The following EYA2 variants were observed in gnomAD, a reference collection of about 807,000 sequenced individuals.
The protein encoded by EYA2 is protein phosphatase EYA2.
EYA2 carries 31 observed loss-of-function variants against 69.2 expected under a neutral mutation model. The observed-to-expected ratio is 0.45, with a 90% CI of 0.34 to 0.60. The LOEUF (loss-of-function observed/expected upper bound fraction) is 0.60, where lower values mean the gene tolerates loss of function less well. EYA2 is among the 20% of genes least tolerant of loss of function. EYA2 has a pLI of 0.02. For missense variants in EYA2, 622 were observed against 701.2 expected, an observed-to-expected ratio of 0.89 and a Z score of 1.28; for synonymous variants, 257 against 279.4, an observed-to-expected ratio of 0.92 and a Z score of 0.80.
At chr20:47,024,760 C>G (rs769045028) in intron 5 of EYA2, among the ~76,000 whole-genome samples, 7 of 152,246 alleles carry the variant, frequency 4.6e-5, no homozygotes, top group Non-Finnish European at 7.3e-5. Context: ...GGATCACTGT[C>G]CATGCCTAAG....
chr20:46,987,995 TATGG>T (rs1262549527), intron 1 of EYA2, among the ~76,000 whole-genome samples: 872 of 77,524 alleles, frequency 0.011, 45 homozygotes, highest in South Asian at 0.015. Flanking sequence ...TATATATATA[TATGG>T]GGCAAAAAAA....
At chr20:47,052,051 T>C (rs1237124760) in intron 5 of EYA2, among the ~76,000 whole-genome samples, 1 of 152,112 alleles carries the variant, frequency 6.6e-6, no homozygotes, top group Non-Finnish European at 1.5e-5. Context: ...CAGATACTCC[T>C]TTTTTTCCCC....
chr20:47,138,677 C>T (rs1310397375), intron 9 of EYA2, among the ~76,000 whole-genome samples: 1 of 151,874 alleles, frequency 6.6e-6, no homozygotes, highest in East Asian at 1.9e-4. Flanking sequence ...ATCACTTGAA[C>T]CTGGGAGGTC....
At chr20:47,135,126 C>CAAAAAAAAAAAAAAAAAAAA (rs11484435) in intron 9 of EYA2, among the ~76,000 whole-genome samples, 1 of 58,500 alleles carries the variant, frequency 1.7e-5, no homozygotes, top group African/African-American at 6.6e-5. Context: ...GACTCCATAT[C>CAAAAAAAAAAAAAAAAAAAA]AAAAAAAAAA....
In EYA2 at chr20:46,907,692, A is replaced by G. The variant is rs117857501; in HGVS notation, c.-11+12705A>G. Among the ~76,000 whole-genome samples the G allele has an allele frequency of 2.2e-4, 33 of 152,310 alleles. No homozygotes were observed. The East Asian group carries it at 6.4e-3, about 29-fold the overall frequency. On this transcript the variant is annotated intron_variant, in intron 1 of 15. Transcript: ENST00000327619. ...CATGTCTACTAAAAATAAAACAATT[A>G]GCCAGGTATGGTGGCCCGCATCTGT...
At chr20:47,126,797 CT>C (rs1331637370) in intron 9 of EYA2, among the ~76,000 whole-genome samples, 2 of 152,130 alleles carry the variant, frequency 1.3e-5, no homozygotes, top group East Asian at 3.8e-4. Context: ...ACATTTTTGA[CT>C]GTCACAACTG....
intron 10 of EYA2, chr20:47,160,789 CT>C (rs1161912645): frequency 1.5e-3 from 236 of 157,526 alleles, no homozygotes; most frequent in East Asian, 2.6e-3. Context: ...CCTCCCCTCT[CT>C]TTTTTTTTTT....
intron 5 of EYA2, among the ~76,000 whole-genome samples, chr20:47,041,211 A>G (rs564341380): frequency 6.6e-6 from 1 of 152,324 alleles, no homozygotes; most frequent in Non-Finnish European, 1.5e-5. Flanking sequence ...CTCTGATCCT[A>G]AGGAAATCTA....
intron 1 of EYA2, among the ~76,000 whole-genome samples, chr20:46,905,667 G>A (rs1314273416): frequency 6.6e-6 from 1 of 152,214 alleles, no homozygotes; most frequent in Non-Finnish European, 1.5e-5. Flanking sequence ...ATGAGACAGA[G>A]TTGTCTGAGG....
chr20:47,153,497 A>C (rs1390725501), intron 10 of EYA2, among the ~76,000 whole-genome samples: 1 of 151,708 alleles, frequency 6.6e-6, no homozygotes, highest in African/African-American at 2.4e-5. Flanking sequence ...AAAAAAAAAC[A>C]AAACAAAATT....
intron 5 of EYA2, among the ~76,000 whole-genome samples, chr20:47,030,987 G>A (rs1984377867): frequency 7.2e-6 from 1 of 139,324 alleles, no homozygotes; most frequent in South Asian, 2.6e-4. Context: ...TACTACTCTG[G>A]AGGCCCTGTT....
intron 9 of EYA2, among the ~76,000 whole-genome samples, chr20:47,097,852 A>G (rs2032297412): frequency 6.6e-6 from 1 of 152,206 alleles, no homozygotes; most frequent in African/African-American, 2.4e-5. Context: ...GACATCTGTC[A>G]TCTCTTCAGG....
At chr20:47,083,722 T>C (rs1359838194) in intron 7 of EYA2, among the ~76,000 whole-genome samples, 2 of 152,222 alleles carry the variant, frequency 1.3e-5, no homozygotes, top group African/African-American at 4.8e-5. Flanking sequence ...GTTTTGTGAC[T>C]TTGATTTAGG....
intron 8 of EYA2, among the ~76,000 whole-genome samples, chr20:47,093,561 C>A (rs772135422): frequency 6.3e-4 from 96 of 152,230 alleles, no homozygotes; most frequent in Admixed American, 2.0e-3. Context: ...CTTAACTCTT[C>A]CCCTCTCTGG....
intron 4 of EYA2, among the ~76,000 whole-genome samples, chr20:47,010,336 G>A (rs888710661): frequency 7.2e-6 from 1 of 138,870 alleles, no homozygotes; most frequent in Non-Finnish European, 1.5e-5. Context: ...TGTGCTCGCA[G>A]CAGGTGGGCT....
intron 1 of EYA2, among the ~76,000 whole-genome samples, chr20:46,946,026 C>T (rs536677980): frequency 6.6e-5 from 10 of 152,268 alleles, no homozygotes; most frequent in South Asian, 2.1e-4. Flanking sequence ...AAGCACTCTT[C>T]GAGGGTCTTG....
chr20:47,170,341 A>G (rs2034292734), intron 11 of EYA2, among the ~76,000 whole-genome samples: 1 of 151,764 alleles, frequency 6.6e-6, no homozygotes, highest in Admixed American at 6.6e-5. Context: ...CAGGTAACCC[A>G]TTGCTTAATA....
intron 9 of EYA2, among the ~76,000 whole-genome samples, chr20:47,102,623 T>C (rs1207083538): frequency 6.6e-6 from 1 of 151,948 alleles, no homozygotes; most frequent in Non-Finnish European, 1.5e-5. Context: ...TCAAAATAGG[T>C]TGTTTGAATT....
chr20:47,028,933 A>G (rs1373807858), intron 5 of EYA2, among the ~76,000 whole-genome samples: 1 of 150,274 alleles, frequency 6.7e-6, no homozygotes, highest in East Asian at 1.9e-4. Flanking sequence ...CAAAATTTAA[A>G]TTAAAAAAAA....
Sources: allele counts gnomAD v4.1 joint callset (sites outside exome capture counted in the v4.1 genomes callset), GRCh38; gene constraint gnomAD v4.1.1; transcripts MANE v1.5; gene names NCBI Gene and HGNC (gene_info 2026-07-23, HGNC 2026-07-21).